The following GMPPA variants were observed in gnomAD, a reference collection of about 807,000 sequenced individuals.
GMPPA encodes the protein mannose-1-phosphate guanylyltransferase regulatory subunit alpha.
A neutral mutation model predicts 58.6 loss-of-function variants in GMPPA; 46 were observed. The observed-to-expected ratio is 0.78, with a 90% CI of 0.62 to 1.00. GMPPA has a LOEUF of 1.00. GMPPA is among the 50% of genes least tolerant of loss of function. GMPPA has a pLI of 0.00. For synonymous variants in GMPPA, 211 were observed against 214.9 expected (o/e 0.98, Z 0.16); for missense variants, 468 against 556.4 (o/e 0.84, Z 1.60).
In GMPPA at chr2:219,502,101, G is replaced by C; in HGVS notation, c.429+64G>C. The C allele has an allele frequency of 6.4e-7, 1 of 1,555,408 alleles. No homozygotes were observed. Among genetic ancestry groups the C allele is most frequent in the African/African-American group, 1.4e-5 (1 of 73,740 alleles). ...GATCCCAAGAGCTTCCCGGAATTCAGGGTGTTGGGGAGGCAGGGGCGCCCC... is the reference window on the plus strand; with the variant it reads ...GATCCCAAGAGCTTCCCGGAATTCACGGTGTTGGGGAGGCAGGGGCGCCCC... On this transcript the variant is annotated intron_variant, in intron 5 of 12. Transcript: ENST00000313597. The surrounding 1 kb of genome is among the most constrained non-coding windows in gnomAD (Gnocchi z 4.0).
chr2:219,500,279 C>T, intron 3 of GMPPA, 61 bp downstream of exon 3: 1 of 922,562 alleles, frequency 1.1e-6, no homozygotes. Context: ...CTGTTTCCCC[C>T]TTTCCCAACC....
In GMPPA at chr2:219,502,457, G is replaced by T; in HGVS notation, c.489+16G>T. On this transcript the variant is annotated intron_variant, in intron 6 of 12. Transcript: ENST00000313597. The surrounding 1 kb of genome is among the most constrained non-coding windows in gnomAD (Gnocchi z 4.0). ...GACACACGAGGTGAGAGCAGAGTGGGGGCTGGGTGGGTGCCTACTCTGTGT... is the reference window on the plus strand; with the variant it reads ...GACACACGAGGTGAGAGCAGAGTGGTGGCTGGGTGGGTGCCTACTCTGTGT... 1 of 1,607,890 alleles carries T rather than the reference G, an allele frequency of 6.2e-7. No individual in the cohort carries two copies. The highest frequency in any genetic ancestry group is 8.5e-7 in the Non-Finnish European group (1 of 1,174,550).
In GMPPA at chr2:219,505,376, G is replaced by A. The variant is rs1454861872; in HGVS notation, c.755+14G>A. 13 of 1,612,672 alleles carry A rather than the reference G, an allele frequency of 8.1e-6. No homozygotes were observed. The highest frequency in any genetic ancestry group is 2.7e-5 in the African/African-American group (2 of 74,898). On this transcript the variant is annotated intron_variant, in intron 8 of 12. Transcript: ENST00000313597. ...CAAGTCCGCAGGGTATGGAAGGCTG[G>A]GTCCCCTGGGGATTGAAATTTTGGG...
At position 219,506,704 on chromosome 2, in the gene GMPPA, G is replaced by C. The variant is rs1467274040; in HGVS notation, c.1169G>C (p.Arg390Pro). Residue 390 changes from arginine (R) to proline (P), a missense_variant, in exon 13 of 13, where the codon CGA becomes CCA. Coordinates refer to ENST00000313597, the MANE Select transcript of GMPPA (RefSeq NM_013335.4). The stretch of plus-strand genomic sequence containing the variant: ...GCCCTCATCCATGCTGCAGGCTGCC[G>C]AGTCCGGATCCCTGCCGAGGTGCTC... Reference protein sequence around the residue: ...LLPAITILGCRVRIPAEVLIL... With the variant: ...LLPAITILGCPVRIPAEVLIL... The C allele has an allele frequency of 6.3e-7, 1 of 1,591,484 alleles. No individual in the cohort carries two copies. Among genetic ancestry groups the C allele is most frequent in the South Asian group, 1.1e-5 (1 of 90,590 alleles).
Position 219,505,451 on chromosome 2 carries a change from T to C in GMPPA, c.756-7T>C. ...CCCTGAGCCCCTGTCCCCCTTGCGGTCCCCAGTTCAGCCCTCTACGCCTCC... is the reference window on the plus strand; with the variant it reads ...CCCTGAGCCCCTGTCCCCCTTGCGGCCCCCAGTTCAGCCCTCTACGCCTCC... On this transcript the variant is annotated splice_region_variant and splice_polypyrimidine_tract_variant and intron_variant, in intron 8 of 12. Transcript: ENST00000313597. The C allele has an allele frequency of 6.3e-7, 1 of 1,583,122 alleles. No homozygotes were observed. Among genetic ancestry groups the C allele is most frequent in the Non-Finnish European group, 8.6e-7 (1 of 1,163,988 alleles).
At position 219,506,744 on chromosome 2, in the gene GMPPA, T is replaced by C. The variant is rs757760416; in HGVS notation, c.1209T>C (p.Ile403=). The C allele has an allele frequency of 1.9e-5, 31 of 1,608,744 alleles. No homozygotes were observed. In the African/African-American group the frequency reaches 2.1e-4, roughly 11 times the overall value. The change falls in exon 13 of 13, where the codon ATT becomes ATC. Residue 403 remains isoleucine (I), a synonymous_variant. Coordinates refer to ENST00000313597, the MANE Select transcript of GMPPA (RefSeq NM_013335.4). ...IPAEVLILNS[I]VLPHKELSRS... is the part of the protein sequence containing the mutation. ...CCGAGGTGCTCATCCTGAACTCGAT[T>C]GTTCTGCCACACAAGGAGCTGAGCC...
At position 219,506,193 on chromosome 2, in the gene GMPPA, A is replaced by G. The variant is rs1172544513; in HGVS notation, c.994-61A>G. ...GGCTCTGCATCTGGCCACACCTCAC[A>G]CCCTCCGGTTCCTGCTGCCTCCTGC... On this transcript the variant is annotated intron_variant, in intron 11 of 12. Coordinates refer to ENST00000313597, the MANE Select transcript of GMPPA (RefSeq NM_013335.4). 3 of 1,539,432 alleles carry G rather than the reference A, an allele frequency of 1.9e-6. No homozygotes were observed. The East Asian group carries it at 6.8e-5, about 35-fold the overall frequency.
intron 6 of GMPPA, 48 bp from the exon 7 acceptor site, chr2:219,504,034 TG>T (rs755786298): frequency 1.1e-5 from 18 of 1,609,142 alleles, no homozygotes; most frequent in Non-Finnish European, 1.5e-5. Context: ...CTTAGGGGAC[TG>T]TGGCGGTAGT....
intron 1 of GMPPA, 183 bp downstream of exon 1, chr2:219,499,121 C>T (rs1056210869): frequency 6.6e-6 from 1 of 152,174 alleles, no homozygotes; most frequent in African/African-American, 2.4e-5. Flanking sequence ...TTCAGAGGGT[C>T]AGCAATCAAT....
Position 219,506,389 on chromosome 2 carries a change from G to T in GMPPA, c.1129G>T (p.Asp377Tyr). The T allele has an allele frequency of 1.2e-6, 2 of 1,613,452 alleles. No homozygotes were observed. Residue 377 changes from aspartate to tyrosine, a missense_variant, in exon 12 of 13, where the codon GAC becomes TAC. By Grantham distance (160) the Asp-to-Tyr change is radical. Transcript: ENST00000313597. ...ARMDSESLFK[D>Y]GKLLPAITIL... Reference sequence around the variant, plus strand: ...CATGGACAGTGAGAGCCTCTTCAAGGACGGGAAGCTGCTGCCTGCTATCAC... The same window carrying T: ...CATGGACAGTGAGAGCCTCTTCAAGTACGGGAAGCTGCTGCCTGCTATCAC...
Position 219,501,592 on chromosome 2 carries a change from A to G in GMPPA, c.242+13A>G, listed in dbSNP as rs1367210267. 6.7e-7 allele frequency: 1 copy of G among 1,498,142 alleles called. No homozygotes were observed. Among genetic ancestry groups the G allele is most frequent in the Non-Finnish European group, 9.3e-7 (1 of 1,073,944 alleles). 92.8% of individuals were successfully genotyped at this position (1,498,142 alleles called of 1,614,324 possible). A position where few individuals can be genotyped will look rare whatever the true frequency, so the allele number is the denominator to read the frequency against. Reference sequence around the variant, plus strand: ...ACCTTCCAGTCAGGTGTTTGTGCACACACTCGTATATGGGGGGGTGGGGAT... The same window carrying G: ...ACCTTCCAGTCAGGTGTTTGTGCACGCACTCGTATATGGGGGGGTGGGGAT... On this transcript the variant is annotated intron_variant, in intron 4 of 12. Coordinates refer to ENST00000313597, the MANE Select transcript of GMPPA (RefSeq NM_013335.4).
chr2:219,505,072 G>A, intron 7 of GMPPA, 156 bp from the exon 8 acceptor site: 1 of 921,872 alleles, frequency 1.1e-6, no homozygotes, highest in Non-Finnish European at 1.6e-6. Context: ...CCTGGGATGT[G>A]AGCAGCCACA....
rs377446191 is a variant in GMPPA, at chr2:219,500,106, T to C, written c.41-15T>C. 4.4e-6 allele frequency: 7 copies of C among 1,604,346 alleles called. No homozygotes were observed. In the African/African-American group the frequency reaches 8.0e-5, roughly 18 times the overall value. On this transcript the variant is annotated splice_polypyrimidine_tract_variant and intron_variant, in intron 2 of 12. Transcript: ENST00000313597. ...AAGGCAGGAGGCCGAAATGTTCTCCTCTCTCCTCTCCCAGGAACTCGCTTC... is the reference window on the plus strand; with the variant it reads ...AAGGCAGGAGGCCGAAATGTTCTCCCCTCTCCTCTCCCAGGAACTCGCTTC...
chr2:219,502,991 CAG>C lies in GMPPA; in HGVS notation c.489+553_489+554del, dbSNP rs1177947937. ...ATGTGTTTATTTATTTATTTTGAGA[CAG>C]AGTCTCACTTTGTCTTCCAGGCTGG... On this transcript the variant is annotated intron_variant, in intron 6 of 12. Coordinates refer to ENST00000313597, the MANE Select transcript of GMPPA (RefSeq NM_013335.4). This position sits in a 1 kb window ranked among gnomAD's most constrained non-coding sequence, Gnocchi z 4.0. Among the ~76,000 whole-genome samples the C allele has an allele frequency of 6.6e-6, 1 of 152,114 alleles. No homozygotes were observed.
chr2:219,503,894 A>T (rs1694483992), intron 6 of GMPPA, among the ~76,000 whole-genome samples, 189 bp from the exon 7 acceptor site: 1 of 152,224 alleles, frequency 6.6e-6, no homozygotes, highest in African/African-American at 2.4e-5. Flanking sequence ...TCTGAAGCTG[A>T]ATCAGGTGAA....
chr2:219,502,169 C>T lies in GMPPA; in HGVS notation c.429+132C>T. The T allele has an allele frequency of 1.0e-6, 1 of 968,054 alleles. No homozygotes were observed. The highest frequency in any genetic ancestry group is 2.0e-5 in the Admixed American group (1 of 50,724). 60.0% of individuals were successfully genotyped at this position (968,054 alleles called of 1,614,324 possible). On this transcript the variant is annotated intron_variant, in intron 5 of 12. Coordinates refer to ENST00000313597, the MANE Select transcript of GMPPA (RefSeq NM_013335.4). The surrounding 1 kb of genome is among the most constrained non-coding windows in gnomAD (Gnocchi z 4.0). ...CTGGCGTCAGGAGGGAGATGCGCTG[C>T]TCTGGCAGCATGGAGGTGTTAGTGG...
At chr2:219,506,226 C>G in intron 11 of GMPPA, 28 bp from the exon 12 acceptor site, 1 of 1,588,204 alleles carries the variant, frequency 6.3e-7, no homozygotes, top group Non-Finnish European at 8.6e-7. Context: ...TGCCTCTTCC[C>G]CTTACCTTTC....
At position 219,500,112 on chromosome 2, in the gene GMPPA, C is replaced by G; in HGVS notation, c.41-9C>G. The G allele has an allele frequency of 6.2e-7, 1 of 1,606,444 alleles. No homozygotes were observed. The highest frequency in any genetic ancestry group is 8.5e-7 in the Non-Finnish European group (1 of 1,174,650). On this transcript the variant is annotated splice_polypyrimidine_tract_variant and intron_variant, in intron 2 of 12. Transcript: ENST00000313597. ...GGAGGCCGAAATGTTCTCCTCTCTC[C>G]TCTCCCAGGAACTCGCTTCAGACCT...
Position 219,502,585 on chromosome 2 carries a change from T to G in GMPPA, c.489+144T>G, listed in dbSNP as rs544495161. Reference sequence around the variant, plus strand: ...GACACTCCCGATTAATCATCTTATATCCCTTTAAGAGAGATTGACCAGGGG... The same window carrying G: ...GACACTCCCGATTAATCATCTTATAGCCCTTTAAGAGAGATTGACCAGGGG... On this transcript the variant is annotated intron_variant, in intron 6 of 12. Coordinates refer to ENST00000313597, the MANE Select transcript of GMPPA (RefSeq NM_013335.4). The surrounding 1 kb of genome is among the most constrained non-coding windows in gnomAD (Gnocchi z 4.0). 6.8e-5 allele frequency: 34 copies of G among 497,386 alleles called. No individual in the cohort carries two copies. Among genetic ancestry groups the G allele is most frequent in the Non-Finnish European group, 1.2e-4 (32 of 264,340 alleles). 30.8% of individuals were successfully genotyped at this position (497,386 alleles called of 1,614,324 possible).
Sources: gnomAD v4.1 joint callset for allele counts (sites outside exome capture counted in the v4.1 genomes callset) on GRCh38, gnomAD v4.1.1 for gene constraint, Gnocchi (gnomAD v3.1) non-coding constraint, MANE v1.5 for transcripts, NCBI Gene and HGNC (gene_info 2026-07-23, HGNC 2026-07-21) for gene names.